FGGY: variants seen among roughly 807,000 people sequenced by gnomAD.
The protein encoded by FGGY is FGGY carbohydrate kinase domain-containing protein.
A neutral mutation model predicts 71.3 loss-of-function variants in FGGY; 72 were observed. That is an observed-to-expected ratio of 1.01 (90% CI 0.84 to 1.23). The LOEUF is 1.23. FGGY is among the 50% of genes most tolerant of loss of function. The pLI is 0.00. For missense variants in FGGY, 668 were observed against 682.3 expected (o/e 0.98, Z 0.23); for synonymous variants, 251 against 250.3 (o/e 1.00, Z -0.02).
At chr1:59,392,330 G>C (rs937662403) in intron 5 of FGGY, among the ~76,000 whole-genome samples, 3 of 152,172 alleles carry the variant, frequency 2.0e-5, no homozygotes, top group African/African-American at 7.2e-5. Context: ...AGTGGCACTA[G>C]AGCTCTTAAG....
chr1:59,527,897 T>C (rs2095035431), intron 7 of FGGY, among the ~76,000 whole-genome samples: 1 of 152,258 alleles, frequency 6.6e-6, no homozygotes. Context: ...GTTTTTTTAA[T>C]CTGATTTCCA....
intron 15 of FGGY, among the ~76,000 whole-genome samples, chr1:59,759,636 A>G (rs532668100): frequency 1.3e-5 from 2 of 152,292 alleles, no homozygotes; most frequent in Admixed American, 1.3e-4. Flanking sequence ...GTGCTTTAGC[A>G]CCATCTGCAG....
chr1:59,300,008 T>G (rs539465404), intron 1 of FGGY, among the ~76,000 whole-genome samples: 1 of 152,218 alleles, frequency 6.6e-6, no homozygotes, highest in African/African-American at 2.4e-5. Context: ...TATTGATTCT[T>G]TGAAGAGAAA....
intron 9 of FGGY, among the ~76,000 whole-genome samples, chr1:59,610,496 C>A (rs776406156): frequency 6.6e-6 from 1 of 152,194 alleles, no homozygotes; most frequent in Admixed American, 6.5e-5. Flanking sequence ...GCATTTGGGT[C>A]GGTTCCATGT....
Position 59,321,770 on chromosome 1 carries a change from T to C in FGGY, c.201+20T>C. The C allele has an allele frequency of 6.2e-7, 1 of 1,600,570 alleles. No homozygotes were observed. Among genetic ancestry groups the C allele is most frequent in the East Asian group, 2.2e-5 (1 of 44,560 alleles). The stretch of plus-strand genomic sequence containing the variant: ...ACAAAGGTATGGGCAAAACTGGTGT[T>C]CTCTCCTTGTTCATATTCCTACCTG... On this transcript the variant is annotated intron_variant, in intron 2 of 15. Coordinates refer to ENST00000303721, the MANE Select transcript of FGGY (RefSeq NM_018291.5).
intron 5 of FGGY, among the ~76,000 whole-genome samples, chr1:59,420,944 C>A (rs2065300633): frequency 6.6e-6 from 1 of 151,540 alleles, no homozygotes; most frequent in African/African-American, 2.4e-5. Context: ...GGACATGTTT[C>A]TGATAATGCT....
intron 6 of FGGY, among the ~76,000 whole-genome samples, chr1:59,510,091 T>C (rs72666220): frequency 0.059 from 8,934 of 151,792 alleles, 342 homozygotes; most frequent in East Asian, 0.13. Flanking sequence ...ATACTTCTCT[T>C]GATCCTTTCA....
chr1:59,633,419 C>CCT (rs2096927074), intron 10 of FGGY, among the ~76,000 whole-genome samples: 1 of 152,144 alleles, frequency 6.6e-6, no homozygotes, highest in African/African-American at 2.4e-5. Context: ...GGACATAAAT[C>CCT]CTCTTATTTT....
chr1:59,562,942 A>G (rs2095816021), intron 8 of FGGY, among the ~76,000 whole-genome samples: 1 of 152,224 alleles, frequency 6.6e-6, no homozygotes, highest in Admixed American at 6.5e-5. Flanking sequence ...AAAAAGATCG[A>G]TTTTGTATCT....
At chr1:59,471,038 C>T (rs115483391) in intron 6 of FGGY, among the ~76,000 whole-genome samples, 359 of 152,298 alleles carry the variant, frequency 2.4e-3, no homozygotes, top group African/African-American at 7.9e-3. Context: ...ACACCATTAC[C>T]TCCCCTCTCC....
chr1:59,680,009 G>T (rs1444716383), intron 14 of FGGY, among the ~76,000 whole-genome samples: 1 of 152,130 alleles, frequency 6.6e-6, no homozygotes, highest in East Asian at 1.9e-4. Flanking sequence ...AGCATTTAGG[G>T]TTCTGATACA....
Position 59,461,083 on chromosome 1 carries a change from A to G in FGGY, c.670+4007A>G, listed in dbSNP as rs534374391. ...CGGAGAATGACTTTCACGAGTTGAC[A>G]GAAGTAGGCTTCAGAAGGTCGGTAA... On this transcript the variant is annotated intron_variant, in intron 6 of 15. Coordinates refer to ENST00000303721, the MANE Select transcript of FGGY (RefSeq NM_018291.5). Among the ~76,000 whole-genome samples the G allele has an allele frequency of 2.0e-5, 3 of 152,366 alleles. 1 individual carries two copies. The highest frequency in any genetic ancestry group is 1.9e-4 in the East Asian group (1 of 5,190).
At chr1:59,534,087 C>A (rs1203025247) in intron 7 of FGGY, among the ~76,000 whole-genome samples, 2 of 152,002 alleles carry the variant, frequency 1.3e-5, no homozygotes, top group Non-Finnish European at 2.9e-5. Flanking sequence ...CTTTGAAAAA[C>A]ATTTAGAAGA....
intron 5 of FGGY, among the ~76,000 whole-genome samples, chr1:59,434,058 A>G (rs1440943394): frequency 1.3e-5 from 2 of 152,260 alleles, no homozygotes; most frequent in East Asian, 1.9e-4. Context: ...TGTCCTGTCT[A>G]CCTCCATGGG....
At chr1:59,317,093 A>G (rs1051909994) in intron 1 of FGGY, among the ~76,000 whole-genome samples, 15 of 152,202 alleles carry the variant, frequency 9.9e-5, no homozygotes, top group Admixed American at 8.5e-4. Flanking sequence ...TAGCTGGGAA[A>G]TGGGGCTCAT....
chr1:59,608,067 T>C (rs1411148985), intron 9 of FGGY, among the ~76,000 whole-genome samples, 157 bp downstream of exon 9: 1 of 152,206 alleles, frequency 6.6e-6, no homozygotes, highest in Admixed American at 6.5e-5. Context: ...GTCATACACA[T>C]GCAGCATATA....
intron 6 of FGGY, among the ~76,000 whole-genome samples, chr1:59,465,836 C>T (rs1244612777): frequency 6.6e-6 from 1 of 152,158 alleles, no homozygotes; most frequent in Non-Finnish European, 1.5e-5. Context: ...CTACAAACCA[C>T]TGCTCAATGA....
chr1:59,393,134 T>G (rs1274947781), intron 5 of FGGY: 3 of 152,272 alleles, frequency 2.0e-5, no homozygotes, highest in Non-Finnish European at 2.9e-5. Flanking sequence ...ATTTCCGCCC[T>G]TAACCTCCTC....
chr1:59,423,703 G>T (rs998230590), intron 5 of FGGY, among the ~76,000 whole-genome samples: 1 of 152,102 alleles, frequency 6.6e-6, no homozygotes, highest in Non-Finnish European at 1.5e-5. Flanking sequence ...CTGTTTCTCC[G>T]CATGCTTCTC....
Sources: allele counts gnomAD v4.1 joint callset (sites outside exome capture counted in the v4.1 genomes callset), GRCh38; gene constraint gnomAD v4.1.1; transcripts MANE v1.5; gene names NCBI Gene and HGNC (gene_info 2026-07-23, HGNC 2026-07-21).